The following MPO variants were observed in gnomAD, a reference collection of about 807,000 sequenced individuals.
The protein encoded by MPO is myeloperoxidase.
MPO carries 57 observed loss-of-function variants against 69.4 expected under a neutral mutation model. The observed-to-expected ratio is 0.82, with a 90% CI of 0.66 to 1.02. MPO has a LOEUF of 1.02. Ranked by LOEUF, MPO falls within the 50% of genes least tolerant of loss-of-function variation. The pLI is 0.00. For synonymous variants in MPO, 426 were observed against 417.1 expected, an observed-to-expected ratio of 1.02 and a Z score of -0.26; for missense variants, 971 against 1,014.1, an observed-to-expected ratio of 0.96 and a Z score of 0.58.
chr17:58,278,835 G>C lies in MPO; in HGVS notation c.885+173C>G. On this transcript the variant is annotated intron_variant, in intron 6 of 11. Coordinates refer to ENST00000225275, the MANE Select transcript of MPO (RefSeq NM_000250.2). ...CTGGCTGCCAGCTGGCTGAGCCCAG[G>C]CGCAGGAAGGAGACAGGTCATAGCT... 3.7e-6 allele frequency: 3 copies of C among 806,856 alleles called. No homozygotes were observed. In the South Asian group the frequency reaches 4.9e-5, roughly 13 times the overall value. 50.0% of individuals were successfully genotyped at this position (806,856 alleles called of 1,614,324 possible).
Position 58,279,288 on chromosome 17 carries a change from G to C in MPO, c.678+9C>G. 1 of 1,563,230 alleles carries C rather than the reference G, an allele frequency of 6.4e-7. No individual in the cohort carries two copies. Among genetic ancestry groups the C allele is most frequent in the Non-Finnish European group, 8.7e-7 (1 of 1,154,218 alleles). On this transcript the variant is annotated intron_variant, in intron 5 of 11. Coordinates refer to ENST00000225275, the MANE Select transcript of MPO (RefSeq NM_000250.2). ...CCGGGCCTCGCCCCCTCTGCCCGCC[G>C]GCGCTCACCAGAGCCACCGGGAAGC...
chr17:58,280,103 T>C, intron 2 of MPO, 89 bp from the exon 3 acceptor site: 3 of 1,551,268 alleles, frequency 1.9e-6, no homozygotes, highest in Non-Finnish European at 2.6e-6. Flanking sequence ...TGCAGGACCA[T>C]GCAGGCAGGC....
At position 58,271,000 on chromosome 17, in the gene MPO, T is replaced by TCC; in HGVS notation, c.2031-138_2031-137insGG. The TCC allele has an allele frequency of 1.1e-6, 1 of 893,734 alleles. No homozygotes were observed. The highest frequency in any genetic ancestry group is 1.8e-6 in the Non-Finnish European group (1 of 559,082). The allele number at this position is 893,734 out of a possible 1,614,324, so 55.4% of individuals were successfully genotyped here. ...GGAAGCACAGGAGGGCCCCAGGCCC[T>TCC]TGGGCAGCCCAGGGGCTTTCACACA... On this transcript the variant is annotated intron_variant, in intron 11 of 11. Transcript: ENST00000225275. This position sits in a 1 kb window ranked among gnomAD's most constrained non-coding sequence, Gnocchi z 4.1.
Position 58,270,672 on chromosome 17 carries a change from C to T in MPO, c.2222G>A (p.Trp741Ter). The change falls in exon 12 of 12, where the codon TGG becomes TAG. Residue 741 changes from tryptophan to a stop codon, truncating the protein, a stop_gained. Coordinates refer to ENST00000225275, the MANE Select transcript of MPO (RefSeq NM_000250.2). LOFTEE classifies it high-confidence loss of function. This position sits in a 1 kb window ranked among gnomAD's most constrained non-coding sequence, Gnocchi z 4.1. ...STLPALNLASWREAS is the reference protein window; with the variant it reads ...STLPALNLAS ...ACCTGGCCTCTAGGAGGCTTCCCTC[C>T]AGGAAGCCAGGTTCAATGCAGGAAG... 1 of 1,612,444 alleles carries T rather than the reference C, an allele frequency of 6.2e-7. No homozygotes were observed. The highest frequency in any genetic ancestry group is 8.5e-7 in the Non-Finnish European group (1 of 1,179,178).
chr17:58,277,695 G>A (rs1455446938), intron 7 of MPO, 132 bp downstream of exon 7: 8 of 1,282,764 alleles, frequency 6.2e-6, no homozygotes, highest in Non-Finnish European at 7.7e-6. Context: ...TTAATATCAT[G>A]AAGTTGATAG....
At chr17:58,276,938 C>T (rs1471185620) in intron 7 of MPO, among the ~76,000 whole-genome samples, 1 of 152,140 alleles carries the variant, frequency 6.6e-6, no homozygotes. Context: ...AAAACACCAT[C>T]TCTACTAAAA....
chr17:58,278,716 G>A (rs924021505), intron 6 of MPO: 1 of 540,282 alleles, frequency 1.9e-6, no homozygotes, highest in Non-Finnish European at 3.3e-6. Context: ...ACCTAACAAA[G>A]AGCCAGTGAT....
rs1364158888 is a variant in MPO at position 58,270,758 on chromosome 17, C to T, written c.2136G>A (p.Val712=). The stretch of plus-strand genomic sequence containing the variant: ...TGGACATGAAGATGTTGTTCTTAGA[C>T]ACGGTGGTGATGCCTGTGTTGTCGC... ...IICDNTGITT[V]SKNNIFMSNS... The change falls in exon 12 of 12, where the codon GTG becomes GTA. Residue 712 remains valine (V), a synonymous_variant. Coordinates refer to ENST00000225275, the MANE Select transcript of MPO (RefSeq NM_000250.2). This position sits in a 1 kb window ranked among gnomAD's most constrained non-coding sequence, Gnocchi z 4.1. 1 of 1,614,116 alleles carries T rather than the reference C, an allele frequency of 6.2e-7. No individual in the cohort carries two copies. Among genetic ancestry groups the T allele is most frequent in the Non-Finnish European group, 8.5e-7 (1 of 1,179,972 alleles).
rs1970349707 is a variant in MPO, at chr17:58,270,263, GT to G, written c.*392del. ...GTAATTTACAAGGAAGAAAACTCTT[GT>G]TTAAGGAGGGTAATTTGCTCAAGGT... On this transcript the variant is annotated 3_prime_UTR_variant, in exon 12 of 12. Coordinates refer to ENST00000225275, the MANE Select transcript of MPO (RefSeq NM_000250.2). This position sits in a 1 kb window ranked among gnomAD's most constrained non-coding sequence, Gnocchi z 4.1. 3.1e-6 allele frequency: 1 copy of G among 323,398 alleles called. No homozygotes were observed. The highest frequency in any genetic ancestry group is 2.1e-5 in the African/African-American group (1 of 46,516). The allele number at this position is 323,398 out of a possible 1,614,324, so 20.0% of individuals were successfully genotyped here. A position where few individuals can be genotyped will look rare whatever the true frequency, so the allele number is the denominator to read the frequency against.
chr17:58,280,519 A>G, intron 1 of MPO, 60 bp from the exon 2 acceptor site: 2 of 1,613,520 alleles, frequency 1.2e-6, no homozygotes, highest in Non-Finnish European at 1.7e-6. Context: ...CAGGCCCCAG[A>G]GCTAGGAAGG....
In MPO at chr17:58,278,012, C is replaced by G. The variant is rs1314583848; in HGVS notation, c.1019G>C (p.Ser340Thr). 6.2e-7 allele frequency: 1 copy of G among 1,613,778 alleles called. No homozygotes were observed. The highest frequency in any genetic ancestry group is 8.5e-7 in the Non-Finnish European group (1 of 1,180,052). ...GGGCTCCTCGCTGCCGTACACCATG[C>G]TGGCGTCCACGAAGGAAGTGAGCGC... ...INALTSFVDA[S>T]MVYGSEEPLA... The change falls in exon 7 of 12, where the codon AGC becomes ACC. Residue 340 changes from serine (S) to threonine (T), a missense_variant. Physicochemically the swap from Ser to Thr is moderately conservative, Grantham distance 58. Transcript: ENST00000225275.
chr17:58,278,758 G>A, intron 6 of MPO: 1 of 592,754 alleles, frequency 1.7e-6, no homozygotes, highest in Non-Finnish European at 3.0e-6. Flanking sequence ...AGCCAAGGAG[G>A]AACAACCCTC....
At position 58,272,895 on chromosome 17, in the gene MPO, C is replaced by A; in HGVS notation, c.1645G>T (p.Gly549Cys). ...LEGGIDPILR[G>C]LMATPAKLNR... is the part of the protein sequence containing the mutation. ...AGCTTGGCAGGGGTGGCCATGAGGCCCCGGAGGATGGGGTCAATGCCACCT... is the reference window on the plus strand; with the variant it reads ...AGCTTGGCAGGGGTGGCCATGAGGCACCGGAGGATGGGGTCAATGCCACCT... Residue 549 changes from glycine (G) to cysteine (C), a missense_variant, in exon 10 of 12, where the codon GGC becomes TGC. Physicochemically the swap from Gly to Cys is radical, Grantham distance 159. Coordinates refer to ENST00000225275, the MANE Select transcript of MPO (RefSeq NM_000250.2). 2 of 1,614,082 alleles carry A rather than the reference C, an allele frequency of 1.2e-6. No individual in the cohort carries two copies. Among genetic ancestry groups the A allele is most frequent in the South Asian group, 2.2e-5 (2 of 91,080 alleles).
In MPO at chr17:58,279,059, G is replaced by T. The variant is rs375734054; in HGVS notation, c.834C>A (p.Gly278=). ...EPAARASFVT[G]VNCETSCVQQ... ...GAACGCAGCTGGTCTCGCAGTTGAC[G>T]CCAGTGACGAAGGAGGCCCGGGCGG... Residue 278 remains glycine, a synonymous_variant, in exon 6 of 12, where the codon GGC becomes GGA. Coordinates refer to ENST00000225275, the MANE Select transcript of MPO (RefSeq NM_000250.2). The T allele has an allele frequency of 5.6e-6, 9 of 1,612,616 alleles. No homozygotes were observed. The highest frequency in any genetic ancestry group is 5.3e-5 in the African/African-American group (4 of 74,944).
In MPO at chr17:58,279,375, C is replaced by G. The variant is rs572040408; in HGVS notation, c.600G>C (p.Pro200=). The G allele has an allele frequency of 6.3e-7, 1 of 1,599,558 alleles. No homozygotes were observed. Among genetic ancestry groups the G allele is most frequent in the Admixed American group, 1.7e-5 (1 of 57,740 alleles). ...ASNRAFVRWL[P]AEYEDGFSLP... ...GAGAGAAGCCGTCCTCATACTCCGCCGGCAGCCAGCGCACAAAGGCACGGT... is the reference window on the plus strand; with the variant it reads ...GAGAGAAGCCGTCCTCATACTCCGCGGGCAGCCAGCGCACAAAGGCACGGT... The change falls in exon 5 of 12, where the codon CCG becomes CCC. Residue 200 remains proline, a synonymous_variant. Transcript: ENST00000225275.
intron 3 of MPO, 27 bp downstream of exon 3, chr17:58,279,812 G>T: frequency 6.2e-7 from 1 of 1,613,928 alleles, no homozygotes; most frequent in Non-Finnish European, 8.5e-7. Context: ...GTGGAGCAGG[G>T]ACCTGGGGTG....
At chr17:58,280,039 G>A (rs746567156) in intron 2 of MPO, 25 bp from the exon 3 acceptor site, 3 of 1,610,346 alleles carry the variant, frequency 1.9e-6, no homozygotes, top group East Asian at 2.2e-5. Flanking sequence ...GAGGAGTGAG[G>A]GCCAGAGAAG....
Position 58,280,685 on chromosome 17 carries a change from G to A in MPO, c.74C>T (p.Ala25Val). The A allele has an allele frequency of 1.2e-6, 2 of 1,614,206 alleles. No individual in the cohort carries two copies. Among genetic ancestry groups the A allele is most frequent in the African/African-American group, 1.3e-5 (1 of 75,046 alleles). Reference protein sequence around the residue: ...LGPCWAGGLTAEMKLLLALAG... With the variant: ...LGPCWAGGLTVEMKLLLALAG... Reference sequence around the variant, plus strand: ...TAGGGCCAGAAGCAGCTTCATCTCTGCAGTGAGACCCCCAGCCCAGCAAGG... The same window carrying A: ...TAGGGCCAGAAGCAGCTTCATCTCTACAGTGAGACCCCCAGCCCAGCAAGG... Residue 25 changes from alanine to valine, a missense_variant, in exon 1 of 12, where the codon GCA (alanine) becomes GTA (valine). Physicochemically the swap from Ala to Val is moderately conservative, Grantham distance 64 (BLOSUM62 0). Transcript: ENST00000225275.
intron 8 of MPO, among the ~76,000 whole-genome samples, chr17:58,274,778 C>A (rs1303086444): frequency 6.6e-6 from 1 of 151,844 alleles, no homozygotes; most frequent in African/African-American, 2.4e-5. Flanking sequence ...CAAGATCGCA[C>A]CACTGCACTC....
Sources: gnomAD v4.1 joint callset for allele counts (sites outside exome capture counted in the v4.1 genomes callset) on GRCh38, gnomAD v4.1.1 for gene constraint, Gnocchi (gnomAD v3.1) non-coding constraint, MANE v1.5 for transcripts, NCBI Gene and HGNC (gene_info 2026-07-23, HGNC 2026-07-21) for gene names.